The following RPF1 variants were observed in gnomAD, a reference collection of about 807,000 sequenced individuals.
RPF1 encodes the protein ribosome production factor 1.
RPF1 carries 34 observed loss-of-function variants against 41.9 expected under a neutral mutation model. That is an observed-to-expected ratio of 0.81 (90% CI 0.62 to 1.08). The LOEUF is 1.08. RPF1 is among the 50% of genes least tolerant of loss of function. The probability of loss-of-function intolerance (pLI) is 0.00; values close to 1 mark genes in which losing one functional copy is unlikely to be tolerated. For missense variants in RPF1, 425 were observed against 435.2 expected (o/e 0.98, Z 0.21); for synonymous variants, 140 against 148.9 (o/e 0.94, Z 0.43).
intron 3 of RPF1, among the ~76,000 whole-genome samples, chr1:84,483,725 A>G (rs951294399): frequency 1.3e-5 from 2 of 152,254 alleles, no homozygotes; most frequent in Non-Finnish European, 2.9e-5. Context: ...ATAGTTGGCA[A>G]CAGTGCAGAA....
rs140673775 is a variant in RPF1 at position 84,487,112 on chromosome 1, G to A, written c.367-2521G>A. 8.8e-3 allele frequency among the ~76,000 whole-genome samples: 1,341 copies of A among 152,240 alleles called. 13 individuals are homozygous for A. The highest frequency in any genetic ancestry group is 0.014 in the Middle Eastern group (4 of 294). On this transcript the variant is annotated intron_variant, in intron 3 of 8. Coordinates refer to ENST00000370654, the MANE Select transcript of RPF1 (RefSeq NM_025065.7). The stretch of plus-strand genomic sequence containing the variant: ...TCTTGAGATAAATTTGGGGGTAACA[G>A]GCATATCAAGGGTGTGTGTACATAA...
intron 6 of RPF1, 125 bp downstream of exon 6, chr1:84,495,580 T>G: frequency 1.7e-6 from 1 of 592,050 alleles, no homozygotes; most frequent in East Asian, 3.0e-5. Context: ...ATTAGAGCAG[T>G]TTTTAATCTA....
At chr1:84,482,296 A>G (rs1489769609) in intron 2 of RPF1, among the ~76,000 whole-genome samples, 3 of 152,208 alleles carry the variant, frequency 2.0e-5, no homozygotes, top group Non-Finnish European at 2.9e-5. Flanking sequence ...CTGAGTATGC[A>G]TGATTGCTGA....
rs1453011365 is a variant in RPF1, at chr1:84,497,797, C to G, written c.*327C>G. ...GAATAAAATGGTTGGTAAATATTGG[C>G]TAACCCTTGATTTTTATACCAGATT... On this transcript the variant is annotated 3_prime_UTR_variant, in exon 9 of 9. Transcript: ENST00000370654. The G allele has an allele frequency of 5.2e-6, 1 of 191,526 alleles. No individual in the cohort carries two copies. The highest frequency in any genetic ancestry group is 1.3e-4 in the East Asian group (1 of 7,782). The allele number at this position is 191,526 out of a possible 1,614,324, so 11.9% of individuals were successfully genotyped here. A position where few individuals can be genotyped will look rare whatever the true frequency, so the allele number is the denominator to read the frequency against.
At position 84,495,943 on chromosome 1, in the gene RPF1, G is replaced by A. The variant is rs368932617; in HGVS notation, c.761G>A (p.Arg254Gln). The A allele has an allele frequency of 3.0e-5, 49 of 1,611,026 alleles. No individual in the cohort carries two copies. In the Middle Eastern group the frequency reaches 4.9e-4, roughly 16 times the overall value. Residue 254 changes from arginine (R) to glutamine (Q), a missense_variant, in exon 7 of 9, where the codon CGG (arginine) becomes CAG (glutamine). Transcript: ENST00000370654. ...ATAATTCTGAATAATTTTACAACAC[G>A]GCTGGGTCATTCAATTGGACGTATG... The part of the protein sequence containing the change: ...PEIILNNFTT[R>Q]LGHSIGRMFA...
Position 84,486,224 on chromosome 1 carries a change from T to G in RPF1, c.366+3229T>G. On this transcript the variant is annotated intron_variant, in intron 3 of 8. Transcript: ENST00000370654. ...GAAGAAGAAAGACCAGATCAGTGAC[T>G]TTGTTGGCCGGTATGAGGACTTTGG... Among the ~76,000 whole-genome samples, 2 of 152,090 alleles carry G rather than the reference T, an allele frequency of 1.3e-5. 1 individual carries two copies. Among genetic ancestry groups the G allele is most frequent in the Non-Finnish European group, 2.9e-5 (2 of 68,020 alleles).
intron 8 of RPF1, among the ~76,000 whole-genome samples, chr1:84,496,881 G>GT (rs34925200): frequency 2.9e-4 from 44 of 151,732 alleles, no homozygotes; most frequent in East Asian, 1.9e-3. Context: ...TTGTTGTTTT[G>GT]TTTTTTTTGA....
At chr1:84,493,830 T>C (rs892203520) in intron 5 of RPF1, among the ~76,000 whole-genome samples, 3 of 152,176 alleles carry the variant, frequency 2.0e-5, no homozygotes, top group Admixed American at 6.5e-5. Flanking sequence ...GATTCACATA[T>C]ATAGTACATA....
chr1:84,479,641 C>T (rs1681605495), intron 1 of RPF1, 132 bp downstream of exon 1: 2 of 812,120 alleles, frequency 2.5e-6, no homozygotes, highest in South Asian at 1.8e-5. Context: ...AGGGTGGCGT[C>T]GCGGCCCACG....
At chr1:84,489,582 C>T (rs1374257528) in intron 3 of RPF1, 51 bp from the exon 4 acceptor site, 2 of 998,980 alleles carry the variant, frequency 2.0e-6, no homozygotes, top group Non-Finnish European at 3.2e-6. Flanking sequence ...AGAATTCTGG[C>T]CCAGTAGAGT....
At chr1:84,489,216 A>G (rs1193618464) in intron 3 of RPF1, among the ~76,000 whole-genome samples, 1 of 152,110 alleles carries the variant, frequency 6.6e-6, no homozygotes, top group African/African-American at 2.4e-5. Context: ...AAAAGGTACT[A>G]CTTTCATTAA....
At chr1:84,493,488 G>A (rs1046004282) in intron 5 of RPF1, among the ~76,000 whole-genome samples, 3 of 151,886 alleles carry the variant, frequency 2.0e-5, no homozygotes, top group African/African-American at 4.8e-5. Flanking sequence ...TACTTGGGAG[G>A]TTGAGGTGGG....
intron 5 of RPF1, among the ~76,000 whole-genome samples, chr1:84,494,003 A>G (rs1266107514): frequency 6.6e-6 from 1 of 152,170 alleles, no homozygotes; most frequent in Admixed American, 6.5e-5. Context: ...AGCTGTCAAG[A>G]CTGTGAAGGT....
intron 3 of RPF1, among the ~76,000 whole-genome samples, chr1:84,485,656 C>G (rs572853867): frequency 6.6e-6 from 1 of 152,296 alleles, no homozygotes; most frequent in Non-Finnish European, 1.5e-5. Context: ...TTTTCTCATA[C>G]TGGTTATGTT....
chr1:84,493,208 A>G (rs2101886876), intron 5 of RPF1, among the ~76,000 whole-genome samples: 1 of 152,080 alleles, frequency 6.6e-6, no homozygotes, highest in Middle Eastern at 3.4e-3. Flanking sequence ...TGACTTTTAT[A>G]TCTCCTAGAC....
At chr1:84,493,100 G>A (rs1432619719) in intron 5 of RPF1, among the ~76,000 whole-genome samples, 5 of 152,104 alleles carry the variant, frequency 3.3e-5, no homozygotes, top group African/African-American at 1.2e-4. Flanking sequence ...TTTAGAAACT[G>A]GTAAGTTTGG....
At chr1:84,495,588 C>T (rs1463838059) in intron 6 of RPF1, 133 bp downstream of exon 6, 1 of 583,292 alleles carries the variant, frequency 1.7e-6, no homozygotes, top group Non-Finnish European at 2.9e-6. Flanking sequence ...AGTTTTTAAT[C>T]TATCAATTCT....
rs1310087545 is a variant in RPF1, at chr1:84,498,303, A to C, written c.*833A>C. 1 of 152,668 alleles carries C rather than the reference A, an allele frequency of 6.6e-6. No individual in the cohort carries two copies. The highest frequency in any genetic ancestry group is 1.5e-5 in the Non-Finnish European group (1 of 68,034). 9.5% of individuals were successfully genotyped at this position (152,668 alleles called of 1,614,324 possible). A position where few individuals can be genotyped will look rare whatever the true frequency, so the allele number is the denominator to read the frequency against. On this transcript the variant is annotated 3_prime_UTR_variant, in exon 9 of 9. Coordinates refer to ENST00000370654, the MANE Select transcript of RPF1 (RefSeq NM_025065.7). Reference sequence around the variant, plus strand: ...AACAGATTAATATACCATGTATTTAATACCAATAATAATGCAAAATAAAAG... The same window carrying C: ...AACAGATTAATATACCATGTATTTACTACCAATAATAATGCAAAATAAAAG...
At chr1:84,483,252 G>T (rs1024124074) in intron 3 of RPF1, 5 of 435,712 alleles carry the variant, frequency 1.1e-5, no homozygotes, top group African/African-American at 2.0e-5. Context: ...TATTTTGGAG[G>T]GTTTTGTTTT....
Sources: allele counts gnomAD v4.1 joint callset (sites outside exome capture counted in the v4.1 genomes callset), GRCh38; gene constraint gnomAD v4.1.1; transcripts MANE v1.5; gene names NCBI Gene and HGNC (gene_info 2026-07-23, HGNC 2026-07-21).